The following MYL12B variants were observed in gnomAD, a reference collection of about 807,000 sequenced individuals.
MYL12B encodes the protein myosin light chain 12B, also known as myosin regulatory light chain 12B.
MYL12B carries 3 observed loss-of-function variants against 12.9 expected under a neutral mutation model. The ratio of observed to expected loss-of-function variants is 0.23; its 90% CI spans 0.11 to 0.60. The LOEUF (loss-of-function observed/expected upper bound fraction) is 0.60, where lower values mean the gene tolerates loss of function less well. Ranked by LOEUF, MYL12B falls within the 20% of genes least tolerant of loss-of-function variation. The pLI is 0.89. For missense variants in MYL12B, 120 were observed against 215.4 expected (o/e 0.56, Z 2.77); for synonymous variants, 57 against 71.9 (o/e 0.79, Z 1.05).
intron 2 of MYL12B, among the ~76,000 whole-genome samples, chr18:3,274,377 T>G (rs186915757): frequency 4.5e-4 from 68 of 152,358 alleles, no homozygotes; most frequent in African/African-American, 1.6e-3. Context: ...AAACCCATCC[T>G]TTTAAAGATA....
intron 1 of MYL12B, among the ~76,000 whole-genome samples, chr18:3,265,416 C>T (rs975222973): frequency 2.6e-5 from 4 of 152,058 alleles, no homozygotes; most frequent in Admixed American, 2.0e-4. Flanking sequence ...TCTGATAGAC[C>T]TTGGTGAAGA....
intron 1 of MYL12B, among the ~76,000 whole-genome samples, chr18:3,264,573 A>G (rs2081622272): frequency 6.6e-6 from 1 of 152,154 alleles, no homozygotes; most frequent in Admixed American, 6.5e-5. Context: ...GTAGCTGTGT[A>G]TGGTGACTCA....
chr18:3,265,301 T>G (rs2081626939), intron 1 of MYL12B, among the ~76,000 whole-genome samples: 1 of 152,222 alleles, frequency 6.6e-6, no homozygotes, highest in South Asian at 2.1e-4. Context: ...ATGACTGCTG[T>G]TTTCGGACTG....
At chr18:3,264,919 A>C (rs1400998878) in intron 1 of MYL12B, among the ~76,000 whole-genome samples, 1 of 152,230 alleles carries the variant, frequency 6.6e-6, no homozygotes, top group Non-Finnish European at 1.5e-5. Context: ...ACATTATAAA[A>C]ACTTATTAAG....
intron 1 of MYL12B, among the ~76,000 whole-genome samples, chr18:3,272,653 T>C (rs957160810): frequency 1.3e-5 from 2 of 152,206 alleles, no homozygotes; most frequent in Middle Eastern, 3.2e-3. Flanking sequence ...CATGAGCCAC[T>C]GGTGTCTGGC....
chr18:3,270,499 A>G (rs561639146), intron 1 of MYL12B, among the ~76,000 whole-genome samples: 1 of 152,090 alleles, frequency 6.6e-6, no homozygotes, highest in African/African-American at 2.4e-5. Context: ...CAGGCTAACT[A>G]ACTCCCTATT....
At chr18:3,277,178 G>A (rs2081739548) in intron 2 of MYL12B, 75 bp from the exon 3 acceptor site, 2 of 1,360,932 alleles carry the variant, frequency 1.5e-6, no homozygotes, top group Admixed American at 2.6e-5. Flanking sequence ...ATATGTTGGG[G>A]AGCATAATAA....
rs746629621 is a variant in MYL12B, at chr18:3,277,717, G to C, written c.347-48G>C. ...CAAGCTTTAGGAATGAACCATCAAA[G>C]TGCCAGGAAGTATTGATGACTGCTT... On this transcript the variant is annotated intron_variant, in intron 3 of 3. Transcript: ENST00000237500. 4.5e-6 allele frequency: 7 copies of C among 1,565,336 alleles called. No homozygotes were observed. The South Asian group carries it at 8.4e-5, about 19-fold the overall frequency.
intron 1 of MYL12B, among the ~76,000 whole-genome samples, chr18:3,271,322 G>C (rs2081677064): frequency 6.6e-6 from 1 of 152,160 alleles, no homozygotes; most frequent in Admixed American, 6.5e-5. Context: ...TAAGGAGTTG[G>C]AATGTTAGAG....
chr18:3,273,851 G>GTTTTT (rs1555636125), intron 2 of MYL12B, among the ~76,000 whole-genome samples: 122 of 115,408 alleles, frequency 1.1e-3, no homozygotes, highest in African/African-American at 2.7e-3. Context: ...AGAGGTGGGG[G>GTTTTT]TTTTTTTTTT....
intron 1 of MYL12B, chr18:3,263,114 A>G (rs1016934573): frequency 1.3e-5 from 2 of 152,214 alleles, no homozygotes; most frequent in Non-Finnish European, 2.9e-5. Context: ...TGTAATGACT[A>G]ATAGTCGGAA....
intron 2 of MYL12B, among the ~76,000 whole-genome samples, chr18:3,276,219 G>C (rs1038406792): frequency 1.3e-5 from 2 of 150,288 alleles, no homozygotes; most frequent in Non-Finnish European, 3.0e-5. Context: ...AGCACTGAAC[G>C]AAGGATCTGG....
In MYL12B at chr18:3,277,404, A is replaced by C; in HGVS notation, c.336A>C (p.Glu112Asp). The change falls in exon 3 of 4, where the codon GAA (glutamate) becomes GAC (aspartate). Residue 112 changes from glutamate to aspartate, a missense_variant. Transcript: ENST00000237500. ...VIRNAFACFD[E>D]EATGTIQEDY... is the part of the protein sequence containing the mutation. Reference sequence around the variant, plus strand: ...GAAACGCCTTTGCTTGCTTTGATGAAGAAGCAACAGGTGAGTGCTATTTGT... The same window carrying C: ...GAAACGCCTTTGCTTGCTTTGATGACGAAGCAACAGGTGAGTGCTATTTGT... The C allele has an allele frequency of 2.5e-6, 4 of 1,614,082 alleles. No individual in the cohort carries two copies. Among genetic ancestry groups the C allele is most frequent in the Non-Finnish European group, 3.4e-6 (4 of 1,179,962 alleles).
chr18:3,265,769 A>C (rs532922943), intron 1 of MYL12B, among the ~76,000 whole-genome samples: 1 of 152,314 alleles, frequency 6.6e-6, no homozygotes, highest in Admixed American at 6.5e-5. Context: ...CTAGCAAATC[A>C]GGAAGTGATT....
rs993099608 is a variant in MYL12B, at chr18:3,277,983, T to G, written c.*46T>G. The G allele has an allele frequency of 8.2e-6, 13 of 1,588,924 alleles. No homozygotes were observed. The Admixed American group carries it at 2.3e-4, about 28-fold the overall frequency. ...TCCAGTTACATTGTCTTACTCTCTT[T>G]TACTTCTCAGACACTTCCCCCACCC... On this transcript the variant is annotated 3_prime_UTR_variant, in exon 4 of 4. Transcript: ENST00000237500.
At chr18:3,276,630 T>G (rs2144366466) in intron 2 of MYL12B, 1 of 892,966 alleles carries the variant, frequency 1.1e-6, no homozygotes, top group Non-Finnish European at 1.3e-6. Context: ...AATACAACTT[T>G]GAAGCATATC....
At chr18:3,269,220 G>T (rs772422020) in intron 1 of MYL12B, among the ~76,000 whole-genome samples, 7 of 152,164 alleles carry the variant, frequency 4.6e-5, no homozygotes, top group Non-Finnish European at 7.4e-5. Context: ...AGCCAAAGAA[G>T]ATTTTAAAAA....
chr18:3,271,174 A>G (rs1220147379), intron 1 of MYL12B, among the ~76,000 whole-genome samples: 1 of 152,218 alleles, frequency 6.6e-6, no homozygotes, highest in Non-Finnish European at 1.5e-5. Context: ...GAAGAATGAA[A>G]ACATAATCAA....
Position 3,265,914 on chromosome 18 carries a change from T to G in MYL12B, c.-16+3677T>G, listed in dbSNP as rs1172065765. Reference sequence around the variant, plus strand: ...GAAACTGAGTAGAAGGACTTTAAACTTTTCTGTTCAGAAATGGAAAATTCC... The same window carrying G: ...GAAACTGAGTAGAAGGACTTTAAACGTTTCTGTTCAGAAATGGAAAATTCC... On this transcript the variant is annotated intron_variant, in intron 1 of 3. Coordinates refer to ENST00000237500, the MANE Select transcript of MYL12B (RefSeq NM_033546.4). Among the ~76,000 whole-genome samples, 3 of 152,140 alleles carry G rather than the reference T, an allele frequency of 2.0e-5. No homozygotes were observed. In the East Asian group the frequency reaches 5.8e-4, roughly 29 times the overall value.
Sources: gnomAD v4.1 joint callset for allele counts (sites outside exome capture counted in the v4.1 genomes callset) on GRCh38, gnomAD v4.1.1 for gene constraint, MANE v1.5 for transcripts, NCBI Gene and HGNC (gene_info 2026-07-23, HGNC 2026-07-21) for gene names.